The following ASIC2 variants were observed in gnomAD, a reference collection of about 807,000 sequenced individuals.
The protein encoded by ASIC2 is acid sensing ion channel subunit 2.
Under a neutral mutation model 57.3 loss-of-function variants are expected in ASIC2, and 25 were observed. That is an observed-to-expected ratio of 0.44 (90% CI 0.32 to 0.61). ASIC2 has a LOEUF of 0.61. ASIC2 is among the 20% of genes least tolerant of loss of function. The probability of loss-of-function intolerance (pLI) is 0.06; values close to 1 mark genes in which losing one functional copy is unlikely to be tolerated. For synonymous variants in ASIC2, 319 were observed against 307.5 expected (o/e 1.04, Z -0.39); for missense variants, 641 against 738.1 (o/e 0.87, Z 1.52).
intron 1 of ASIC2, chr17:34,039,221 A>C: frequency 6.2e-7 from 1 of 1,613,914 alleles, no homozygotes; most frequent in Non-Finnish European, 8.5e-7. Context: ...TCTAGTGCAG[A>C]TATTTTTTCT....
chr17:33,956,595 C>T (rs938244656), intron 1 of ASIC2, among the ~76,000 whole-genome samples: 1 of 152,194 alleles, frequency 6.6e-6, no homozygotes, highest in Non-Finnish European at 1.5e-5. Flanking sequence ...CAGCTTAAAA[C>T]TCACGTCACC....
intron 1 of ASIC2, among the ~76,000 whole-genome samples, chr17:33,763,540 G>A (rs1910848467): frequency 6.6e-6 from 1 of 152,158 alleles, no homozygotes; most frequent in Non-Finnish European, 1.5e-5. Flanking sequence ...CATTGCCAGG[G>A]GAGGGTTATG....
intron 1 of ASIC2, among the ~76,000 whole-genome samples, chr17:33,310,132 T>G (rs1013448084): frequency 1.3e-5 from 2 of 151,890 alleles, no homozygotes; most frequent in African/African-American, 4.8e-5. Flanking sequence ...CTGGGTGTTT[T>G]GATGTCTCTA....
intron 1 of ASIC2, among the ~76,000 whole-genome samples, chr17:33,390,484 C>G (rs1909850641): frequency 6.6e-6 from 1 of 152,152 alleles, no homozygotes; most frequent in South Asian, 2.1e-4. Context: ...AAAAACTCAC[C>G]ATGTATTATC....
chr17:33,183,962 A>G (rs369441012), intron 1 of ASIC2, among the ~76,000 whole-genome samples: 11 of 152,286 alleles, frequency 7.2e-5, no homozygotes, highest in African/African-American at 2.6e-4. Context: ...TTTCCTCTTC[A>G]GACAAATTAA....
intron 1 of ASIC2, among the ~76,000 whole-genome samples, chr17:33,997,615 C>T (rs1327389997): frequency 6.6e-6 from 1 of 152,082 alleles, no homozygotes; most frequent in Admixed American, 6.5e-5. Context: ...GCTTTTTCCG[C>T]ATCTATTGAG....
intron 1 of ASIC2, among the ~76,000 whole-genome samples, chr17:33,167,831 G>A (rs1905360675): frequency 6.6e-6 from 1 of 152,090 alleles, no homozygotes; most frequent in Admixed American, 6.6e-5. Flanking sequence ...CCATCCTTTG[G>A]GGCCTTTCAA....
chr17:33,235,981 C>T (rs147278882), intron 1 of ASIC2, among the ~76,000 whole-genome samples: 8 of 152,194 alleles, frequency 5.3e-5, no homozygotes, highest in African/African-American at 1.2e-4. Context: ...GAACTACAGG[C>T]GTGCACCATC....
intron 1 of ASIC2, among the ~76,000 whole-genome samples, chr17:33,812,419 G>T (rs1912449197): frequency 6.6e-6 from 1 of 152,188 alleles, no homozygotes; most frequent in Non-Finnish European, 1.5e-5. Flanking sequence ...ATGAGTTGGG[G>T]GAGGAGAGAT....
chr17:33,757,739 C>T (rs1039366765), intron 1 of ASIC2, among the ~76,000 whole-genome samples: 2 of 152,196 alleles, frequency 1.3e-5, no homozygotes, highest in Non-Finnish European at 2.9e-5. Flanking sequence ...TTTCTCAGAA[C>T]AACCTGCAAC....
intron 1 of ASIC2, among the ~76,000 whole-genome samples, chr17:34,151,556 C>T (rs1429007755): frequency 6.6e-6 from 1 of 151,986 alleles, no homozygotes; most frequent in Non-Finnish European, 1.5e-5. Context: ...GCATGGGATT[C>T]GATGTGGAAG....
chr17:34,045,843 G>A (rs562982150), intron 1 of ASIC2, among the ~76,000 whole-genome samples: 24 of 152,178 alleles, frequency 1.6e-4, no homozygotes, highest in East Asian at 5.8e-4. Context: ...ACCATTCCTC[G>A]CATTAAAAGA....
At chr17:34,100,533 A>G (rs1910826289) in intron 1 of ASIC2, among the ~76,000 whole-genome samples, 1 of 152,198 alleles carries the variant, frequency 6.6e-6, no homozygotes, top group Admixed American at 6.5e-5. Flanking sequence ...GACTTTGTCA[A>G]CCTCAGCCCA....
chr17:33,962,095 G>T (rs753027588), intron 1 of ASIC2, among the ~76,000 whole-genome samples: 1 of 152,122 alleles, frequency 6.6e-6, no homozygotes, highest in Non-Finnish European at 1.5e-5. Flanking sequence ...TCCCACCCCA[G>T]AATGCAAGCC....
At chr17:33,019,812 T>C (rs1338605893) in intron 7 of ASIC2, among the ~76,000 whole-genome samples, 4 of 151,714 alleles carry the variant, frequency 2.6e-5, no homozygotes, top group Non-Finnish European at 5.9e-5. Context: ...TCTCTCTCTC[T>C]CTCTCTGTGA....
chr17:33,616,739 T>G (rs1350432159), intron 1 of ASIC2, among the ~76,000 whole-genome samples: 1 of 152,240 alleles, frequency 6.6e-6, no homozygotes, highest in East Asian at 1.9e-4. Flanking sequence ...GCAGAGATTC[T>G]GCCAAGGAGA....
intron 1 of ASIC2, among the ~76,000 whole-genome samples, chr17:33,575,629 A>C (rs1916593989): frequency 6.6e-6 from 1 of 152,162 alleles, no homozygotes; most frequent in South Asian, 2.1e-4. Context: ...TATCTGCAAA[A>C]ACTGTACGGA....
chr17:33,593,843 A>T (rs558771838), intron 1 of ASIC2, among the ~76,000 whole-genome samples: 7 of 152,200 alleles, frequency 4.6e-5, no homozygotes, highest in Non-Finnish European at 4.4e-5. Context: ...ATGGTTCTTC[A>T]TTTCTCCAAA....
intron 3 of ASIC2, among the ~76,000 whole-genome samples, chr17:33,069,997 ATTTATACCC>A (rs2092061152): frequency 6.6e-6 from 1 of 152,090 alleles, no homozygotes; most frequent in South Asian, 2.1e-4. Context: ...TTGTGATTTC[ATTTATACCC>A]TTTGTTGGAT....
Sources: allele counts gnomAD v4.1 joint callset (sites outside exome capture counted in the v4.1 genomes callset), GRCh38; gene constraint gnomAD v4.1.1; transcripts MANE v1.5; gene names NCBI Gene and HGNC (gene_info 2026-07-23, HGNC 2026-07-21).